FLVCR2: variants seen among roughly 807,000 people sequenced by gnomAD.
FLVCR2 encodes choline/ethanolamine transporter FLVCR2.
FLVCR2 carries 38 observed loss-of-function variants against 48.9 expected under a neutral mutation model. The observed-to-expected ratio is 0.78, with a 90% confidence interval of 0.60 to 1.02. FLVCR2 has a LOEUF of 1.02. Among genes scored for constraint, FLVCR2 ranks in the 50% least tolerant of loss-of-function variants. The probability of loss-of-function intolerance (pLI) is 0.00; values close to 1 mark genes in which losing one functional copy is unlikely to be tolerated. For missense variants in FLVCR2, 664 were observed against 663.3 expected, an observed-to-expected ratio of 1.00 and a Z score of -0.01; for synonymous variants, 255 against 257.0, an observed-to-expected ratio of 0.99 and a Z score of 0.07.
intron 5 of FLVCR2, among the ~76,000 whole-genome samples, chr14:75,636,814 GA>G (rs200152657): frequency 0.021 from 3,166 of 152,280 alleles, 55 homozygotes; most frequent in South Asian, 0.066. Context: ...ATTGGGTGGT[GA>G]GGTCTGTTTA....
chr14:75,621,828 G>T (rs934610178), intron 1 of FLVCR2, among the ~76,000 whole-genome samples: 24 of 152,156 alleles, frequency 1.6e-4, no homozygotes, highest in Admixed American at 1.6e-3. Context: ...GAGCCAGCCC[G>T]CACTGAGACC....
At chr14:75,639,124 T>C (rs1405804375) in intron 5 of FLVCR2, among the ~76,000 whole-genome samples, 1 of 152,178 alleles carries the variant, frequency 6.6e-6, no homozygotes, top group African/African-American at 2.4e-5. Context: ...GGCACAAGAA[T>C]TGCTGGAGCC....
intron 5 of FLVCR2, among the ~76,000 whole-genome samples, chr14:75,638,264 C>T (rs1420361283): frequency 6.6e-6 from 1 of 152,054 alleles, no homozygotes; most frequent in East Asian, 1.9e-4. Flanking sequence ...GGCGAAACCC[C>T]ATCTCTACTA....
chr14:75,599,021 CT>C, intron 1 of FLVCR2, among the ~76,000 whole-genome samples: 1 of 152,182 alleles, frequency 6.6e-6, no homozygotes, highest in Non-Finnish European at 1.5e-5. Context: ...AGATGGTGGA[CT>C]AGAAAGCTCC....
Position 75,647,128 on chromosome 14 carries a change from A to G in FLVCR2, c.*656A>G, listed in dbSNP as rs1479166454. Reference sequence around the variant, plus strand: ...GACAAAAGACTTTGTTGTGGCCATGACAGAGATACCGACTCAGGAGGGCTA... The same window carrying G: ...GACAAAAGACTTTGTTGTGGCCATGGCAGAGATACCGACTCAGGAGGGCTA... On this transcript the variant is annotated 3_prime_UTR_variant, in exon 10 of 10. Coordinates refer to ENST00000238667, the MANE Select transcript of FLVCR2 (RefSeq NM_017791.3). 1 of 157,566 alleles carries G rather than the reference A, an allele frequency of 6.3e-6. No homozygotes were observed. The highest frequency in any genetic ancestry group is 2.4e-5 in the African/African-American group (1 of 41,490). 9.8% of individuals were successfully genotyped at this position (157,566 alleles called of 1,614,324 possible).
chr14:75,635,074 A>G, intron 5 of FLVCR2, 61 bp downstream of exon 5: 1 of 1,105,818 alleles, frequency 9.0e-7, no homozygotes, highest in Non-Finnish European at 1.4e-6. Flanking sequence ...TGACATATTC[A>G]TAAGCAGTGT....
intron 1 of FLVCR2, among the ~76,000 whole-genome samples, chr14:75,614,222 A>G (rs1264817034): frequency 6.6e-6 from 1 of 152,228 alleles, no homozygotes; most frequent in East Asian, 1.9e-4. Context: ...TGCTTTTTAA[A>G]GTATCAAACT....
chr14:75,625,697 A>T (rs1189062964), intron 3 of FLVCR2, among the ~76,000 whole-genome samples: 1 of 152,026 alleles, frequency 6.6e-6, no homozygotes, highest in Non-Finnish European at 1.5e-5. Context: ...GACATGACTT[A>T]TTCTTAGTGA....
intron 5 of FLVCR2, among the ~76,000 whole-genome samples, chr14:75,636,095 G>A (rs1487805910): frequency 6.6e-6 from 1 of 152,318 alleles, no homozygotes; most frequent in East Asian, 1.9e-4. Context: ...TACTCAGTTA[G>A]CACTGGCTGG....
intron 1 of FLVCR2, among the ~76,000 whole-genome samples, chr14:75,583,227 A>T (rs536903031): frequency 6.6e-6 from 1 of 152,332 alleles, no homozygotes; most frequent in South Asian, 2.1e-4. Context: ...TGGCTTTGGC[A>T]CCACGGACTG....
chr14:75,591,970 A>T, intron 1 of FLVCR2, among the ~76,000 whole-genome samples: 1 of 150,956 alleles, frequency 6.6e-6, no homozygotes, highest in South Asian at 2.1e-4. Flanking sequence ...GCACCACTGC[A>T]CCTGGTTAAT....
At chr14:75,629,566 G>A (rs1032893246) in intron 3 of FLVCR2, among the ~76,000 whole-genome samples, 3 of 152,180 alleles carry the variant, frequency 2.0e-5, no homozygotes, top group Admixed American at 6.5e-5. Flanking sequence ...CCTTCTCTTT[G>A]TGTCTCTGGT....
chr14:75,599,455 A>G (rs1889110412), intron 1 of FLVCR2, among the ~76,000 whole-genome samples: 1 of 152,250 alleles, frequency 6.6e-6, no homozygotes, highest in African/African-American at 2.4e-5. Context: ...AAGAAATTAA[A>G]TAAGGTGTAA....
At chr14:75,589,840 C>T (rs991934811) in intron 1 of FLVCR2, among the ~76,000 whole-genome samples, 2 of 152,204 alleles carry the variant, frequency 1.3e-5, no homozygotes, top group Non-Finnish European at 2.9e-5. Flanking sequence ...CCTGGGACCA[C>T]TTGAGCCATG....
intron 1 of FLVCR2, among the ~76,000 whole-genome samples, chr14:75,595,538 T>A (rs1029809438): frequency 4.6e-5 from 7 of 152,206 alleles, no homozygotes; most frequent in Admixed American, 3.9e-4. Flanking sequence ...CATGGCCACT[T>A]GGGTATGTTG....
intron 1 of FLVCR2, among the ~76,000 whole-genome samples, chr14:75,603,693 G>A (rs1019293802): frequency 6.6e-6 from 1 of 152,222 alleles, no homozygotes; most frequent in East Asian, 1.9e-4. Context: ...ACACACTCTG[G>A]AGCTTCAGGG....
At chr14:75,645,596 C>T (rs981830075) in intron 9 of FLVCR2, among the ~76,000 whole-genome samples, 1 of 152,184 alleles carries the variant, frequency 6.6e-6, no homozygotes. Context: ...ATGCATGCTG[C>T]TTTGGCATCT....
In FLVCR2 at chr14:75,646,556, G is replaced by C; in HGVS notation, c.*84G>C. 1 of 963,834 alleles carries C rather than the reference G, an allele frequency of 1.0e-6. No individual in the cohort carries two copies. The highest frequency in any genetic ancestry group is 2.5e-5 in the East Asian group (1 of 40,340). The allele number at this position is 963,834 out of a possible 1,614,324, so 59.7% of individuals were successfully genotyped here. The stretch of plus-strand genomic sequence containing the variant: ...TCTCACCGCCAGCACAAAGGGCTTC[G>C]CTAGAGATGTTTTTGGAGGGAATCA... On this transcript the variant is annotated 3_prime_UTR_variant, in exon 10 of 10. Coordinates refer to ENST00000238667, the MANE Select transcript of FLVCR2 (RefSeq NM_017791.3).
intron 1 of FLVCR2, among the ~76,000 whole-genome samples, chr14:75,616,237 G>C (rs8011538): frequency 6.6e-6 from 1 of 151,378 alleles, no homozygotes; most frequent in Non-Finnish European, 1.5e-5. Context: ...TGAGGCAGGA[G>C]AATTGCTTGA....
Sources: gnomAD v4.1 joint callset for allele counts (sites outside exome capture counted in the v4.1 genomes callset) on GRCh38, gnomAD v4.1.1 for gene constraint, MANE v1.5 for transcripts, NCBI Gene and HGNC (gene_info 2026-07-23, HGNC 2026-07-21) for gene names.